The following ITGAD variants were observed in gnomAD, a reference collection of about 807,000 sequenced individuals.
ITGAD encodes the protein integrin alpha-D.
A neutral mutation model predicts 139.0 loss-of-function variants in ITGAD; 105 were observed. The observed-to-expected ratio is 0.76, with a 90% CI of 0.65 to 0.89. ITGAD has a LOEUF of 0.89. ITGAD is among the 40% of genes least tolerant of loss of function. The probability of loss-of-function intolerance (pLI) is 0.00; values close to 1 mark genes in which losing one functional copy is unlikely to be tolerated. For synonymous variants in ITGAD, 569 were observed against 598.3 expected (o/e 0.95, Z 0.71); for missense variants, 1,384 against 1,487.3 (o/e 0.93, Z 1.14).
rs1362674160 is a variant in ITGAD at position 31,423,551 on chromosome 16, G to A, written c.2968-20G>A. ...GACATGTTGCTCATTCTGTGGCTAA[G>A]TGCTTCTTTCTCTTCCCAGAGTCTC... On this transcript the variant is annotated intron_variant, in intron 25 of 29. Transcript: ENST00000389202. 1 of 1,612,534 alleles carries A rather than the reference G, an allele frequency of 6.2e-7. No homozygotes were observed. Among genetic ancestry groups the A allele is most frequent in the East Asian group, 2.2e-5 (1 of 44,872 alleles).
chr16:31,399,419 C>T (rs781005952), intron 5 of ITGAD, among the ~76,000 whole-genome samples: 3 of 152,148 alleles, frequency 2.0e-5, no homozygotes, highest in Non-Finnish European at 2.9e-5. Context: ...TGCCAGGGGC[C>T]GCTCAGGGTG....
intron 1 of ITGAD, 91 bp from the exon 2 acceptor site, chr16:31,394,145 A>T: frequency 1.3e-6 from 1 of 755,390 alleles, no homozygotes; most frequent in Non-Finnish European, 2.1e-6. Flanking sequence ...AAAAAAAAAA[A>T]AAAAAGAAAA....
rs774694264 is a variant in ITGAD, at chr16:31,397,481, AT to A, written c.241+21del. 1 of 1,583,210 alleles carries A rather than the reference AT, an allele frequency of 6.3e-7. No homozygotes were observed. The highest frequency in any genetic ancestry group is 8.6e-7 in the Non-Finnish European group (1 of 1,162,660). The stretch of plus-strand genomic sequence containing the variant: ...CTGCACAGTGAGTGACCACCTGGGA[AT>A]TGGGCCCCTCAACCCTCCTGGACCC... On this transcript the variant is annotated intron_variant, in intron 3 of 29. Coordinates refer to ENST00000389202, the MANE Select transcript of ITGAD (RefSeq NM_005353.3).
At chr16:31,419,289 A>C (rs2081963204) in intron 23 of ITGAD, among the ~76,000 whole-genome samples, 1 of 152,168 alleles carries the variant, frequency 6.6e-6, no homozygotes, top group African/African-American at 2.4e-5. Context: ...AAAATCTCCT[A>C]ATGATGTCAT....
rs146414940 is a variant in ITGAD, at chr16:31,423,084, C to T, written c.2781-30C>T. 172 of 1,578,882 alleles carry T rather than the reference C, an allele frequency of 1.1e-4. No individual in the cohort carries two copies. In the African/African-American group the frequency reaches 2.0e-3, roughly 19 times the overall value. On this transcript the variant is annotated intron_variant, in intron 23 of 29. Transcript: ENST00000389202. ...GGCACAACTGGGGACAGTTTCAGGG[C>T]TGTTTTTCACCCACAGGCTCTCTCT...
intron 29 of ITGAD, 187 bp downstream of exon 29, chr16:31,424,764 GT>G (rs1309611191): frequency 1.1e-5 from 5 of 442,588 alleles, no homozygotes; most frequent in Admixed American, 4.0e-5. Flanking sequence ...TGCCCGGCTA[GT>G]TTTTTGTATT....
At chr16:31,406,316 T>G (rs974108125) in intron 7 of ITGAD, among the ~76,000 whole-genome samples, 3 of 152,148 alleles carry the variant, frequency 2.0e-5, no homozygotes, top group Non-Finnish European at 4.4e-5. Flanking sequence ...CTCGTGATCC[T>G]CCCACTTTGG....
At position 31,418,291 on chromosome 16, in the gene ITGAD, C is replaced by T. The variant is rs548978449; in HGVS notation, c.2617-10C>T. On this transcript the variant is annotated splice_polypyrimidine_tract_variant and intron_variant, in intron 21 of 29. Coordinates refer to ENST00000389202, the MANE Select transcript of ITGAD (RefSeq NM_005353.3). ...CTTTTATCCCCATTCTTTCCTTCTTCTTCCCTCAGGGCACCTTCATAGTCA... is the reference window on the plus strand; with the variant it reads ...CTTTTATCCCCATTCTTTCCTTCTTTTTCCCTCAGGGCACCTTCATAGTCA... 7 of 1,613,482 alleles carry T rather than the reference C, an allele frequency of 4.3e-6. No individual in the cohort carries two copies. In the East Asian group the frequency reaches 1.3e-4, roughly 31 times the overall value.
In ITGAD at chr16:31,402,169, T is replaced by C. The variant is rs1156459477; in HGVS notation, c.482T>C (p.Ile161Thr). The C allele has an allele frequency of 6.2e-7, 1 of 1,614,050 alleles. No individual in the cohort carries two copies. The highest frequency in any genetic ancestry group is 8.5e-7 in the Non-Finnish European group (1 of 1,179,924). ...TTCCTGATTGACGGCTCTGGAAGCATTGACCAAAATGACTTTAACCAGATG... is the reference window on the plus strand; with the variant it reads ...TTCCTGATTGACGGCTCTGGAAGCACTGACCAAAATGACTTTAACCAGATG... ...IVFLIDGSGS[I>T]DQNDFNQMKG... Residue 161 changes from isoleucine (I) to threonine (T), a missense_variant, in exon 6 of 30, where the codon ATT (isoleucine) becomes ACT (threonine). Physicochemically the swap from Ile to Thr is moderately conservative, Grantham distance 89. Coordinates refer to ENST00000389202, the MANE Select transcript of ITGAD (RefSeq NM_005353.3).
chr16:31,425,522 T>C (rs2082095828), intron 29 of ITGAD, among the ~76,000 whole-genome samples: 2 of 152,212 alleles, frequency 1.3e-5, no homozygotes, highest in South Asian at 4.1e-4. Flanking sequence ...GGCCAGCAGA[T>C]GCTCGATATA....
rs2082116538 is a variant in ITGAD at position 31,426,411 on chromosome 16, T to C, written c.*283T>C. 1 of 316,578 alleles carries C rather than the reference T, an allele frequency of 3.2e-6. No individual in the cohort carries two copies. The highest frequency in any genetic ancestry group is 2.2e-5 in the African/African-American group (1 of 46,302). 19.6% of individuals were successfully genotyped at this position (316,578 alleles called of 1,614,324 possible). A position where few individuals can be genotyped will look rare whatever the true frequency, so the allele number is the denominator to read the frequency against. On this transcript the variant is annotated 3_prime_UTR_variant, in exon 30 of 30. Coordinates refer to ENST00000389202, the MANE Select transcript of ITGAD (RefSeq NM_005353.3). ...TGAGGATGTTTATAGCACACTTTCC[T>C]TGCGTGGAAGAGCTATAACCCAGGG...
At chr16:31,419,162 C>T (rs2081959759) in intron 23 of ITGAD, among the ~76,000 whole-genome samples, 1 of 150,646 alleles carries the variant, frequency 6.6e-6, no homozygotes, top group Non-Finnish European at 1.5e-5. Context: ...CACTGCACTC[C>T]AGCCTGGGCA....
intron 5 of ITGAD, 108 bp downstream of exon 5, chr16:31,398,017 T>A: frequency 1.3e-6 from 1 of 779,838 alleles, no homozygotes; most frequent in Non-Finnish European, 2.1e-6. Flanking sequence ...GAGGGCCGAG[T>A]GTGGCTAGGA....
intron 5 of ITGAD, among the ~76,000 whole-genome samples, chr16:31,400,160 C>T (rs2081367643): frequency 6.6e-6 from 1 of 152,204 alleles, no homozygotes; most frequent in Non-Finnish European, 1.5e-5. Flanking sequence ...ATGTTGGCTG[C>T]CCAGATGTGG....
rs569747364 is a variant in ITGAD at position 31,407,310 on chromosome 16, C to T, written c.705-205C>T. Among the ~76,000 whole-genome samples, 159 of 152,218 alleles carry T rather than the reference C, an allele frequency of 1.0e-3. 1 individual carries two copies. Among genetic ancestry groups the T allele is most frequent in the African/African-American group, 3.6e-3 (151 of 41,524 alleles). ...CGGAGGTTGCAGTGAGTGGAGATCA[C>T]GCCACTGCACTCCAGAGCCTGGGCA... On this transcript the variant is annotated intron_variant, in intron 7 of 29. Coordinates refer to ENST00000389202, the MANE Select transcript of ITGAD (RefSeq NM_005353.3).
chr16:31,418,344 T>C lies in ITGAD; in HGVS notation c.2660T>C (p.Leu887Pro), dbSNP rs1194896178. Residue 887 changes from leucine to proline, a missense_variant, in exon 22 of 30, where the codon CTG (leucine) becomes CCG (proline). Leu to Pro is a moderately conservative substitution (Grantham distance 98). Coordinates refer to ENST00000389202, the MANE Select transcript of ITGAD (RefSeq NM_005353.3). ...VTFDVSYKAT[L>P]GDRMLMRASA... is the part of the protein sequence containing the mutation. Reference sequence around the variant, plus strand: ...TTCGATGTCTCCTACAAGGCCACCCTGGGAGACAGGATGCTTATGAGGGCC... The same window carrying C: ...TTCGATGTCTCCTACAAGGCCACCCCGGGAGACAGGATGCTTATGAGGGCC... 3 of 1,614,000 alleles carry C rather than the reference T, an allele frequency of 1.9e-6. No homozygotes were observed. Among genetic ancestry groups the C allele is most frequent in the Non-Finnish European group, 2.5e-6 (3 of 1,180,018 alleles).
Position 31,411,053 on chromosome 16 carries a change from A to G in ITGAD, c.1357-23A>G, listed in dbSNP as rs376683487. On this transcript the variant is annotated intron_variant, in intron 12 of 29. Coordinates refer to ENST00000389202, the MANE Select transcript of ITGAD (RefSeq NM_005353.3). ...GCTGCCTCTGGCTGGGACAGGCAGC[A>G]TGACCCAGGCTCTGCCCTCCAGATC... 196 of 1,611,450 alleles carry G rather than the reference A, an allele frequency of 1.2e-4. 2 individuals are homozygous for G. In the South Asian group the frequency reaches 1.9e-3, roughly 16 times the overall value.
In ITGAD at chr16:31,423,113, G is replaced by A. The variant is rs759944116; in HGVS notation, c.2781-1G>A. 20 of 1,613,774 alleles carry A rather than the reference G, an allele frequency of 1.2e-5. No individual in the cohort carries two copies. The highest frequency in any genetic ancestry group is 1.7e-5 in the Non-Finnish European group (20 of 1,179,762). On this transcript the variant is annotated splice_acceptor_variant, in intron 23 of 29. Transcript: ENST00000389202. LOFTEE classifies it high-confidence loss of function. ...TTTTCACCCACAGGCTCTCTCTCCA[G>A]GCAGGAAGAATCCACCAAGTACTTC...
Position 31,403,414 on chromosome 16 carries a change from T to C in ITGAD, c.559-86T>C. 1.3e-6 allele frequency: 2 copies of C among 1,506,538 alleles called. No individual in the cohort carries two copies. The highest frequency in any genetic ancestry group is 9.1e-7 in the Non-Finnish European group (1 of 1,099,364). 93.3% of individuals were successfully genotyped at this position (1,506,538 alleles called of 1,614,324 possible). On this transcript the variant is annotated intron_variant, in intron 6 of 29. Coordinates refer to ENST00000389202, the MANE Select transcript of ITGAD (RefSeq NM_005353.3). The surrounding 1 kb of genome is among the most constrained non-coding windows in gnomAD (Gnocchi z 4.4). ...GGAGGATCACTTGAGGCCAGGAGTT[T>C]GAGAGACCCTGTCTCTACAAAAAAT...
Sources: allele counts gnomAD v4.1 joint callset (sites outside exome capture counted in the v4.1 genomes callset), GRCh38; gene constraint gnomAD v4.1.1; non-coding constraint Gnocchi (gnomAD v3.1); transcripts MANE v1.5; gene names NCBI Gene and HGNC (gene_info 2026-07-23, HGNC 2026-07-21).